PDHA1: variants seen among roughly 807,000 people sequenced by gnomAD.
The protein encoded by PDHA1 is pyruvate dehydrogenase E1 component subunit alpha, somatic form, mitochondrial.
In PDHA1, 1 loss-of-function variant was observed where a neutral mutation model predicts 33.0. The ratio of observed to expected loss-of-function variants is 0.03; its 90% CI spans 0.01 to 0.14. The LOEUF (loss-of-function observed/expected upper bound fraction) is 0.14. Among genes scored for constraint, PDHA1 ranks in the 10% least tolerant of loss-of-function variants. The probability of loss-of-function intolerance (pLI) is 1.00; values close to 1 mark genes in which losing one functional copy is unlikely to be tolerated. For missense variants in PDHA1, 168 were observed against 325.1 expected (o/e 0.52, Z 3.72); for synonymous variants, 123 against 119.2 (o/e 1.03, Z -0.21).
intron 4 of PDHA1, 109 bp from the exon 5 acceptor site, chrX:19,352,973 G>GTTCTTA: frequency 1.6e-6 from 1 of 626,195 alleles, no homozygotes; most frequent in East Asian, 3.2e-5. Context: ...CGACTGAACT[G>GTTCTTA]GCCTCTGTGT....
At chrX:19,355,848 A>G in intron 8 of PDHA1, 91 bp downstream of exon 8, 1 of 665,099 alleles carries the variant, frequency 1.5e-6, no homozygotes, top group East Asian at 3.2e-5. Flanking sequence ...GTTAGTGGGT[A>G]CCTGCTAATT....
At chrX:19,348,688 A>T (rs915267000) in intron 1 of PDHA1, among the ~76,000 whole-genome samples, 1 of 112,531 alleles carries the variant, frequency 8.9e-6, no homozygotes, top group Admixed American at 9.4e-5. Context: ...TCATGCCTGC[A>T]ATCCCAGTAC....
intron 6 of PDHA1, 125 bp from the exon 7 acceptor site, chrX:19,355,224 T>G: frequency 4.7e-6 from 4 of 849,670 alleles, no homozygotes; most frequent in South Asian, 2.0e-5. Flanking sequence ...CAAAGCTCGG[T>G]TTTAGAAGAG....
chrX:19,360,381 C>T lies in PDHA1; in HGVS notation c.*728C>T, dbSNP rs1042452. On this transcript the variant is annotated 3_prime_UTR_variant, in exon 11 of 11. Coordinates refer to ENST00000422285, the MANE Select transcript of PDHA1 (RefSeq NM_000284.4). The stretch of plus-strand genomic sequence containing the variant: ...GGGTGTACTTTTTTTGAGACAGGGT[C>T]GGGCTCTGTTGCCCAGGCTGGAGTG... 0.17 allele frequency: 26,593 copies of T among 160,911 alleles called. 5,133 individuals are homozygous for T. Among genetic ancestry groups the T allele is most frequent in the African/African-American group, 0.65 (20,182 of 30,818 alleles). 13.3% of individuals were successfully genotyped at this position (160,911 alleles called of 1,213,427 possible). A position where few individuals can be genotyped will look rare whatever the true frequency, so the allele number is the denominator to read the frequency against.
In PDHA1 at chrX:19,355,774, C is replaced by T; in HGVS notation, c.831+17C>T. The T allele has an allele frequency of 8.7e-7, 1 of 1,150,554 alleles. No individual in the cohort carries two copies. The highest frequency in any genetic ancestry group is 1.2e-6 in the Non-Finnish European group (1 of 840,897). The allele number at this position is 1,150,554 out of a possible 1,213,427, so 94.8% of individuals were successfully genotyped here. ...TCTGGGAAGGTAAGGCTCTAAAGCC[C>T]TCTGGGCTAGTGACATTTATCTCTG... On this transcript the variant is annotated intron_variant, in intron 8 of 10. Transcript: ENST00000422285.
chrX:19,350,509 G>A (rs1354614405), intron 3 of PDHA1, among the ~76,000 whole-genome samples: 3 of 112,041 alleles, frequency 2.7e-5, no homozygotes, highest in East Asian at 2.8e-4. Context: ...CAAGTGGTCC[G>A]CCCACCTTGG....
intron 10 of PDHA1, 24 bp downstream of exon 10, chrX:19,359,048 T>C: frequency 9.7e-7 from 1 of 1,027,543 alleles, no homozygotes; most frequent in East Asian, 3.0e-5. Context: ...TTCATGGTGG[T>C]TTGAAGGTTG....
Position 19,350,062 on chromosome X carries a change from G to C in PDHA1, c.243G>C (p.Leu81=). ...VRRMELKADQ[L]YKQKIIRGFC... is the part of the protein sequence containing the mutation. ...GAATGGAGTTGAAAGCAGATCAGCTGTATAAACAGAAAATTATTCGTGGTT... is the reference window on the plus strand; with the variant it reads ...GAATGGAGTTGAAAGCAGATCAGCTCTATAAACAGAAAATTATTCGTGGTT... The change falls in exon 3 of 11, where the codon CTG becomes CTC. Residue 81 remains leucine (L), a synonymous_variant. Transcript: ENST00000422285. 1 of 1,207,373 alleles carries C rather than the reference G, an allele frequency of 8.3e-7. No homozygotes were observed. Among genetic ancestry groups the C allele is most frequent in the Non-Finnish European group, 1.1e-6 (1 of 891,640 alleles).
intron 6 of PDHA1, 137 bp from the exon 7 acceptor site, chrX:19,355,212 C>T: frequency 5.3e-6 from 4 of 753,131 alleles, no homozygotes; most frequent in Non-Finnish European, 8.2e-6. Flanking sequence ...TCCCTCACCA[C>T]CCAAAGCTCG....
At chrX:19,357,764 T>A (rs1350739334) in intron 9 of PDHA1, 45 bp downstream of exon 9, 2 of 969,616 alleles carry the variant, frequency 2.1e-6, no homozygotes, top group Non-Finnish European at 1.5e-6. Flanking sequence ...GGGCTTTGAA[T>A]GGTGTTACAT....
chrX:19,358,066 A>ATACTC (rs2063216747), intron 9 of PDHA1, among the ~76,000 whole-genome samples: 3 of 112,237 alleles, frequency 2.7e-5, no homozygotes, highest in South Asian at 3.7e-4. Flanking sequence ...TACACCTGGC[A>ATACTC]TACTCTACCT....
chrX:19,350,949 A>G, intron 3 of PDHA1, among the ~76,000 whole-genome samples: 1 of 111,893 alleles, frequency 8.9e-6, no homozygotes, highest in Non-Finnish European at 1.9e-5. Flanking sequence ...TGTGGAAATC[A>G]GGGGTAATGT....
At chrX:19,354,117 T>A (rs1461213937) in intron 5 of PDHA1, among the ~76,000 whole-genome samples, 1 of 111,526 alleles carries the variant, frequency 9.0e-6, no homozygotes, top group Non-Finnish European at 1.9e-5. Context: ...AACCATTTTT[T>A]GTATTTTTAG....
Position 19,360,939 on chromosome X carries a change from C to T in PDHA1, c.*1286C>T, listed in dbSNP as rs1053740754. The T allele has an allele frequency of 2.0e-5, 12 of 585,600 alleles. No individual in the cohort carries two copies. Among genetic ancestry groups the T allele is most frequent in the African/African-American group, 2.0e-4 (9 of 44,157 alleles). 48.3% of individuals were successfully genotyped at this position (585,600 alleles called of 1,213,427 possible). A position where few individuals can be genotyped will look rare whatever the true frequency, so the allele number is the denominator to read the frequency against. ...CTAATGAAAATAAAAACATTCTCCT[C>T]ACATATGGAGGTGACGCTCGTGTCC... On this transcript the variant is annotated 3_prime_UTR_variant, in exon 11 of 11. Coordinates refer to ENST00000422285, the MANE Select transcript of PDHA1 (RefSeq NM_000284.4).
chrX:19,353,609 C>T (rs1602226347), intron 5 of PDHA1, among the ~76,000 whole-genome samples: 1 of 111,508 alleles, frequency 9.0e-6, no homozygotes, highest in African/African-American at 3.3e-5. Flanking sequence ...TTAAGTGACG[C>T]GTGACTATTT....
rs999142152 is a variant in PDHA1, at chrX:19,355,594, A to C, written c.759+90A>C. On this transcript the variant is annotated intron_variant, in intron 7 of 10. Coordinates refer to ENST00000422285, the MANE Select transcript of PDHA1 (RefSeq NM_000284.4). Reference sequence around the variant, plus strand: ...CTTGACGATCTTAGAAACATTGGAGAGTTTCATTCTCATACAGGAGCAGGT... The same window carrying C: ...CTTGACGATCTTAGAAACATTGGAGCGTTTCATTCTCATACAGGAGCAGGT... The C allele has an allele frequency of 8.7e-6, 10 of 1,144,163 alleles. No homozygotes were observed. The African/African-American group carries it at 1.6e-4, about 18-fold the overall frequency. 94.3% of individuals were successfully genotyped at this position (1,144,163 alleles called of 1,213,427 possible).
At chrX:19,353,806 A>C (rs746589612) in intron 5 of PDHA1, among the ~76,000 whole-genome samples, 15 of 111,654 alleles carry the variant, frequency 1.3e-4, no homozygotes, top group Admixed American at 9.5e-5. Flanking sequence ...TAATTGCTTT[A>C]TCTTGTCAAC....
At position 19,360,699 on chromosome X, in the gene PDHA1, C is replaced by T; in HGVS notation, c.*1046C>T. Reference sequence around the variant, plus strand: ...GTGTATACACTAACAGAAGCTTTAACAAAACATGTAGCGTGGTGGGACACT... The same window carrying T: ...GTGTATACACTAACAGAAGCTTTAATAAAACATGTAGCGTGGTGGGACACT... On this transcript the variant is annotated 3_prime_UTR_variant, in exon 11 of 11. Transcript: ENST00000422285. The T allele has an allele frequency of 1.0e-6, 1 of 1,001,938 alleles. No homozygotes were observed. Among genetic ancestry groups the T allele is most frequent in the Non-Finnish European group, 1.4e-6 (1 of 711,852 alleles). The allele number at this position is 1,001,938 out of a possible 1,213,427, so 82.6% of individuals were successfully genotyped here.
At position 19,361,500 on chromosome X, in the gene PDHA1, A is replaced by G. The variant is rs759883184; in HGVS notation, c.*1847A>G. 5.8e-6 allele frequency: 7 copies of G among 1,208,233 alleles called. No homozygotes were observed. The East Asian group carries it at 1.2e-4, about 20-fold the overall frequency. ...TCTTTGTTGTAAATTTACCTTTTCA[A>G]TTGTCTTTGCATCAGCTCCTTGCAG... On this transcript the variant is annotated 3_prime_UTR_variant, in exon 11 of 11. Transcript: ENST00000422285.
Sources: allele counts gnomAD v4.1 joint callset (sites outside exome capture counted in the v4.1 genomes callset), GRCh38; gene constraint gnomAD v4.1.1; transcripts MANE v1.5; gene names NCBI Gene and HGNC (gene_info 2026-07-23, HGNC 2026-07-21).